Variants in FKTN observed in about 807,000 individuals in gnomAD.
FKTN encodes fukutin.
In FKTN, 47 loss-of-function variants were observed where a neutral mutation model predicts 58.6. The observed-to-expected ratio is 0.80, with a 90% CI of 0.63 to 1.02. FKTN has a LOEUF of 1.02. FKTN is among the 50% of genes least tolerant of loss of function. The probability of loss-of-function intolerance (pLI) is 0.00; values close to 1 mark genes in which losing one functional copy is unlikely to be tolerated. For missense variants in FKTN, 516 were observed against 537.3 expected, an observed-to-expected ratio of 0.96 and a Z score of 0.39; for synonymous variants, 178 against 191.9, an observed-to-expected ratio of 0.93 and a Z score of 0.60.
intron 10 of FKTN, among the ~76,000 whole-genome samples, chr9:105,630,170 T>C (rs935032620): frequency 6.6e-6 from 1 of 151,964 alleles, no homozygotes; most frequent in African/African-American, 2.4e-5. Context: ...TGGCACGTTG[T>C]GCACATGTAC....
chr9:105,578,780 G>T (rs1842280496), intron 3 of FKTN, among the ~76,000 whole-genome samples: 1 of 151,514 alleles, frequency 6.6e-6, no homozygotes, highest in South Asian at 2.1e-4. Flanking sequence ...GTAGAATTCG[G>T]CTGTGAATCC....
chr9:105,601,199 C>G lies in FKTN; in HGVS notation c.220C>G (p.Leu74Val). The G allele has an allele frequency of 6.2e-7, 1 of 1,611,178 alleles. No homozygotes were observed. Among genetic ancestry groups the G allele is most frequent in the Non-Finnish European group, 8.5e-7 (1 of 1,177,730 alleles). ...ATCCAACCAAAATGTACCAGTGTTT[C>G]TTATTGATCCTTTGATACTGGAATT... ...LTSNQNVPVF[L>V]IDPLILELIN... Residue 74 changes from leucine (L) to valine (V), a missense_variant, in exon 5 of 11, where the codon CTT (leucine) becomes GTT (valine). Physicochemically the swap from Leu to Val is conservative, Grantham distance 32. Transcript: ENST00000357998.
intron 3 of FKTN, among the ~76,000 whole-genome samples, chr9:105,588,751 C>T (rs938730563): frequency 6.6e-6 from 1 of 152,092 alleles, no homozygotes; most frequent in African/African-American, 2.4e-5. Context: ...GAATAAGAAC[C>T]AAACTTCTTA....
intron 1 of FKTN, among the ~76,000 whole-genome samples, chr9:105,572,587 G>C (rs1020894855): frequency 3.9e-5 from 6 of 152,140 alleles, no homozygotes; most frequent in African/African-American, 1.2e-4. Context: ...TGCATAGAAA[G>C]GCAATGGGAA....
Position 105,638,196 on chromosome 9 carries a change from A to G in FKTN, c.*2932A>G, listed in dbSNP as rs1834176725. The G allele has an allele frequency of 2.0e-6, 2 of 985,352 alleles. No individual in the cohort carries two copies. Among genetic ancestry groups the G allele is most frequent in the South Asian group, 9.4e-5 (2 of 21,290 alleles). The allele number at this position is 985,352 out of a possible 1,614,324, so 61.0% of individuals were successfully genotyped here. A position where few individuals can be genotyped will look rare whatever the true frequency, so the allele number is the denominator to read the frequency against. On this transcript the variant is annotated 3_prime_UTR_variant, in exon 11 of 11. Coordinates refer to ENST00000357998, the MANE Select transcript of FKTN (RefSeq NM_001079802.2). ...ACTCCTAGTCCAATGTCTGTTTCGCATCACAACACAGTATCTTTAACAGTG... is the reference window on the plus strand; with the variant it reads ...ACTCCTAGTCCAATGTCTGTTTCGCGTCACAACACAGTATCTTTAACAGTG...
chr9:105,624,533 A>C (rs1832507272), intron 10 of FKTN: 1 of 151,354 alleles, frequency 6.6e-6, no homozygotes, highest in East Asian at 1.9e-4. Context: ...TGGGAGGCTG[A>C]GACGGTAGGA....
In FKTN at chr9:105,610,274, T is replaced by C. The variant is rs561291843; in HGVS notation, c.780+2323T>C. Among the ~76,000 whole-genome samples the C allele has an allele frequency of 7.2e-5, 11 of 152,162 alleles. No homozygotes were observed. The East Asian group carries it at 9.7e-4, about 13-fold the overall frequency. On this transcript the variant is annotated intron_variant, in intron 7 of 10. Transcript: ENST00000357998. ...GGATGCCAGGTGTACCCATTGCTAT[T>C]TGGGTTTTGCTGCAGAGAGTTTCTC...
At chr9:105,617,847 T>C in intron 8 of FKTN, 112 bp from the exon 9 acceptor site, 2 of 718,462 alleles carry the variant, frequency 2.8e-6, no homozygotes, top group Non-Finnish European at 4.6e-6. Context: ...ATAGTGAGAC[T>C]CTGTCTCTTT....
Position 105,604,346 on chromosome 9 carries a change from C to A in FKTN, c.501C>A (p.Ala167=). The change falls in exon 6 of 11, where the codon GCC becomes GCA. Residue 167 remains alanine (A), a synonymous_variant. Transcript: ENST00000357998. Reference sequence around the variant, plus strand: ...CCCTGCACTATATCTGCAAACTGGCCACTCATGCGATCCACTTGGTAGTCT... The same window carrying A: ...CCCTGCACTATATCTGCAAACTGGCAACTCATGCGATCCACTTGGTAGTCT... ...EIPLHYICKL[A]THAIHLVVFH... 6.2e-7 allele frequency: 1 copy of A among 1,614,140 alleles called. No homozygotes were observed. The highest frequency in any genetic ancestry group is 8.5e-7 in the Non-Finnish European group (1 of 1,180,016).
intron 7 of FKTN, among the ~76,000 whole-genome samples, chr9:105,611,670 A>C (rs1451119333): frequency 1.3e-5 from 2 of 152,186 alleles, no homozygotes; most frequent in African/African-American, 4.8e-5. Flanking sequence ...TGCAAAGAAC[A>C]TGATCTTGTT....
chr9:105,609,553 T>C (rs765261813), intron 7 of FKTN, among the ~76,000 whole-genome samples: 13 of 152,178 alleles, frequency 8.5e-5, no homozygotes, highest in Non-Finnish European at 1.9e-4. Context: ...CAGAATCACA[T>C]GTTGTCTTAA....
intron 4 of FKTN, chr9:105,598,211 T>C: frequency 2.4e-6 from 1 of 414,076 alleles, no homozygotes; most frequent in South Asian, 1.8e-5. Context: ...TCTTTTACAT[T>C]GAGGGGACTA....
rs1257495645 is a variant in FKTN at position 105,604,214 on chromosome 9, G to A, written c.370-1G>A. Reference sequence around the variant, plus strand: ...GATGTTTGATGCTTCTTTGGTTCTAGGAAGGCTGGTTTCGGATAGCTGAGA... The same window carrying A: ...GATGTTTGATGCTTCTTTGGTTCTAAGAAGGCTGGTTTCGGATAGCTGAGA... On this transcript the variant is annotated splice_acceptor_variant, in intron 5 of 10. Coordinates refer to ENST00000357998, the MANE Select transcript of FKTN (RefSeq NM_001079802.2). LOFTEE classifies it high-confidence loss of function. The A allele has an allele frequency of 6.2e-7, 1 of 1,612,252 alleles. No homozygotes were observed. The highest frequency in any genetic ancestry group is 1.1e-5 in the South Asian group (1 of 91,004).
intron 3 of FKTN, among the ~76,000 whole-genome samples, chr9:105,576,047 A>G (rs1353709038): frequency 6.6e-6 from 1 of 152,040 alleles, no homozygotes; most frequent in African/African-American, 2.4e-5. Flanking sequence ...GAGGAAATAG[A>G]TGCTTATAAG....
At chr9:105,618,834 C>T (rs1327228031) in intron 9 of FKTN, among the ~76,000 whole-genome samples, 2 of 152,116 alleles carry the variant, frequency 1.3e-5, no homozygotes, top group Non-Finnish European at 2.9e-5. Flanking sequence ...CTATGGGAGG[C>T]CGAGGCGGGT....
chr9:105,589,351 A>G (rs912934402), intron 3 of FKTN, among the ~76,000 whole-genome samples: 9 of 152,034 alleles, frequency 5.9e-5, no homozygotes, highest in Non-Finnish European at 1.2e-4. Context: ...TACCAAAATT[A>G]GCTGGGTGTT....
At chr9:105,607,609 T>C (rs988287301) in intron 6 of FKTN, among the ~76,000 whole-genome samples, 7 of 151,894 alleles carry the variant, frequency 4.6e-5, no homozygotes, top group Non-Finnish European at 8.8e-5. Flanking sequence ...ATTATTATTA[T>C]TATTATTTTT....
chr9:105,568,931 C>T (rs1038825959), intron 1 of FKTN, among the ~76,000 whole-genome samples: 16 of 152,120 alleles, frequency 1.1e-4, no homozygotes, highest in Non-Finnish European at 1.9e-4. Flanking sequence ...AAATGTGGCA[C>T]ATATACACCA....
Position 105,635,669 on chromosome 9 carries a change from G to A in FKTN, c.*405G>A, listed in dbSNP as rs567074525. The A allele has an allele frequency of 9.2e-7, 1 of 1,089,278 alleles. No individual in the cohort carries two copies. The highest frequency in any genetic ancestry group is 1.1e-6 in the Non-Finnish European group (1 of 894,334). The allele number at this position is 1,089,278 out of a possible 1,614,324, so 67.5% of individuals were successfully genotyped here. A position where few individuals can be genotyped will look rare whatever the true frequency, so the allele number is the denominator to read the frequency against. On this transcript the variant is annotated 3_prime_UTR_variant, in exon 11 of 11. Coordinates refer to ENST00000357998, the MANE Select transcript of FKTN (RefSeq NM_001079802.2). ...TAAGGAAGGATATACTAGTTGAAAA[G>A]AATAACCCACTCCTCTTCTGGGCAT...
Sources: allele counts gnomAD v4.1 joint callset (sites outside exome capture counted in the v4.1 genomes callset), GRCh38; gene constraint gnomAD v4.1.1; transcripts MANE v1.5; gene names NCBI Gene and HGNC (gene_info 2026-07-23, HGNC 2026-07-21).